Variants in KCNA3 observed in about 807,000 individuals in gnomAD.
The protein encoded by KCNA3 is RP11-284N8.3.
A neutral mutation model predicts 34.3 loss-of-function variants in KCNA3; 18 were observed. That is an observed-to-expected ratio of 0.52 (90% CI 0.36 to 0.78). The LOEUF (loss-of-function observed/expected upper bound fraction) is 0.78. KCNA3 is among the 30% of genes least tolerant of loss of function. The pLI is 0.00. For missense variants in KCNA3, 587 were observed against 802.5 expected (o/e 0.73, Z 3.24); for synonymous variants, 324 against 351.7 (o/e 0.92, Z 0.88).
At chr1:110,672,228 C>T (rs1382378985), downstream of KCNA3, among the ~76,000 whole-genome samples, 2 of 152,196 alleles carry the variant, frequency 1.3e-5, no homozygotes, top group Non-Finnish European at 2.9e-5. Context: ...TTAGTAACTT[C>T]CGCTGGAAGG....
chr1:110,674,204 G>A lies in KCNA3; in HGVS notation c.606C>T (p.Gly202=), dbSNP rs767283790. The A allele has an allele frequency of 1.2e-5, 20 of 1,613,206 alleles. No homozygotes were observed. Among genetic ancestry groups the A allele is most frequent in the South Asian group, 2.2e-5 (2 of 90,964 alleles). Residue 202 remains glycine (G), a synonymous_variant, in exon 1 of 1, where the codon GGC becomes GGT. Coordinates refer to ENST00000369769, the MANE Select transcript of KCNA3 (RefSeq NM_002232.5). The surrounding 1 kb of genome is among the most constrained non-coding windows in gnomAD (Gnocchi z 6.4). The part of the protein sequence containing the change: ...EAMEKFREDE[G]FLREEERPLP... The stretch of plus-strand genomic sequence containing the variant: ...AGGGCCGCTCCTCCTCCCGCAGGAA[G>A]CCCTCGTCCTCGCGGAACTTCTCCA...
At chr1:110,661,801 A>G in the KCNA3 span, among the ~76,000 whole-genome samples, 21 of 152,216 alleles carry the variant, frequency 1.4e-4, no homozygotes, top group African/African-American at 4.8e-4. Context: ...AATAAAAGTG[A>G]TATCAGGATA....
downstream of KCNA3, among the ~76,000 whole-genome samples, chr1:110,669,891 T>C (rs1651822669): frequency 6.6e-6 from 1 of 152,190 alleles, no homozygotes; most frequent in Admixed American, 6.5e-5. Flanking sequence ...TCACAAAACA[T>C]TGTATTAATT....
At position 110,674,554 on chromosome 1, in the gene KCNA3, A is replaced by AGCGGTC. The variant is rs1652012548; in HGVS notation, c.250_255dup (p.Asp84_Arg85dup). 1.3e-6 allele frequency: 2 copies of AGCGGTC among 1,572,022 alleles called. No individual in the cohort carries two copies. The highest frequency in any genetic ancestry group is 1.9e-5 in the Admixed American group (1 of 53,844). On this transcript the variant is annotated inframe_insertion, in exon 1 of 1. Coordinates refer to ENST00000369769, the MANE Select transcript of KCNA3 (RefSeq NM_002232.5). This position sits in a 1 kb window ranked among gnomAD's most constrained non-coding sequence, Gnocchi z 6.4. ...GGCAGTGAGGGCGGCAGCGGCTCGT[A>AGCGGTC]GCGGTCGCAGCCGCCGCCGCCACAG... is the stretch of plus-strand genomic sequence containing the variant.
Position 110,674,125 on chromosome 1 carries a change from T to G in KCNA3, c.685A>C (p.Ser229Arg), listed in dbSNP as rs757021867. 1 of 1,612,008 alleles carries G rather than the reference T, an allele frequency of 6.2e-7. No individual in the cohort carries two copies. Among genetic ancestry groups the G allele is most frequent in the Middle Eastern group, 1.7e-4 (1 of 6,056 alleles). ...QVWLLFEYPE[S>R]SGPARGIAIV... The stretch of plus-strand genomic sequence containing the variant: ...GCGATGCCCCGGGCCGGCCCGGAGC[T>G]CTCGGGGTACTCGAAGAGCAGCCAC... The change falls in exon 1 of 1, where the codon AGC (serine) becomes CGC (arginine). Residue 229 changes from serine to arginine, a missense_variant. Ser to Arg is a moderately radical substitution (Grantham distance 110). This residue lies in a region of KCNA3 where 341 missense variants were observed against 355.4 expected (regional missense o/e 0.96). Coordinates refer to ENST00000369769, the MANE Select transcript of KCNA3 (RefSeq NM_002232.5). This position sits in a 1 kb window ranked among gnomAD's most constrained non-coding sequence, Gnocchi z 6.4.
chr1:110,669,379 A>G (rs1651803249), downstream of KCNA3, among the ~76,000 whole-genome samples: 1 of 152,238 alleles, frequency 6.6e-6, no homozygotes, highest in Admixed American at 6.5e-5. Flanking sequence ...GATTAAATCT[A>G]GATAAACCAA....
Position 110,674,590 on chromosome 1 carries a change from G to A in KCNA3, c.220C>T (p.Pro74Ser), listed in dbSNP as rs775540479. Residue 74 changes from proline (P) to serine (S), a missense_variant, in exon 1 of 1, where the codon CCT becomes TCT. Physicochemically the swap from Pro to Ser is moderately conservative, Grantham distance 74. This residue lies in a region of KCNA3 where 341 missense variants were observed against 355.4 expected (regional missense o/e 0.96). Transcript: ENST00000369769. The surrounding 1 kb of genome is among the most constrained non-coding windows in gnomAD (Gnocchi z 6.4). ...PEVADGGGAPPQGGCGGGGCD... is the reference protein window; with the variant it reads ...PEVADGGGAPSQGGCGGGGCD... ...CCGCCGCCGCCACAGCCGCCTTGAG[G>A]CGGGGCCCCTCCACCATCGGCCACC... The A allele has an allele frequency of 6.4e-7, 1 of 1,569,894 alleles. No homozygotes were observed. The highest frequency in any genetic ancestry group is 1.8e-5 in the Admixed American group (1 of 54,254).
At chr1:110,665,719 T>A in the KCNA3 span, among the ~76,000 whole-genome samples, 4 of 151,894 alleles carry the variant, frequency 2.6e-5, no homozygotes, top group African/African-American at 9.7e-5. Context: ...AACCAGTAAA[T>A]AAGATTAAGA....
At position 110,673,264 on chromosome 1, in the gene KCNA3, G is replaced by C; in HGVS notation, c.1546C>G (p.Arg516Gly). The C allele has an allele frequency of 6.2e-7, 1 of 1,613,846 alleles. No homozygotes were observed. The highest frequency in any genetic ancestry group is 8.5e-7 in the Non-Finnish European group (1 of 1,179,964). Residue 516 changes from arginine (R) to glycine (G), a missense_variant, in exon 1 of 1, where the codon CGA becomes GGA. Physicochemically the swap from Arg to Gly is moderately radical, Grantham distance 125 (BLOSUM62 -2). Transcript: ENST00000369769. The surrounding 1 kb of genome is among the most constrained non-coding windows in gnomAD (Gnocchi z 8.8). ...AGAGTCGAGTTACTCCTTGCTTTTCGGAGCTCCTCGGCTGAAGAGGAGAGG... is the reference window on the plus strand; with the variant it reads ...AGAGTCGAGTTACTCCTTGCTTTTCCGAGCTCCTCGGCTGAAGAGGAGAGG... ...QHLSSSAEEL[R>G]KARSNSTLSK...
At chr1:110,658,089 CAAAG>C in the KCNA3 span, among the ~76,000 whole-genome samples, 1 of 152,140 alleles carries the variant, frequency 6.6e-6, no homozygotes, top group South Asian at 2.1e-4. Context: ...AATTTTGACA[CAAAG>C]AAATTACCAG....
the KCNA3 span, among the ~76,000 whole-genome samples, chr1:110,661,335 T>TACACTCGGTCACCTTGATCTCGCAG: frequency 2.6e-5 from 4 of 152,208 alleles, no homozygotes; most frequent in Non-Finnish European, 5.9e-5. Context: ...GCCTGGATTA[T>TACACTCGGTCACCTTGATCTCGCAG]ACACTCGGTC....
In KCNA3 at chr1:110,674,027, G is replaced by T; in HGVS notation, c.783C>A (p.Asp261Glu). The T allele has an allele frequency of 3.1e-6, 5 of 1,609,322 alleles. No homozygotes were observed. The highest frequency in any genetic ancestry group is 4.2e-6 in the Non-Finnish European group (5 of 1,177,062). ...ACGTCGAGGCGGGGTAGTCCTTCTCGTCGCGGAACTCCGGCAGCGTCTCCA... is the reference window on the plus strand; with the variant it reads ...ACGTCGAGGCGGGGTAGTCCTTCTCTTCGCGGAACTCCGGCAGCGTCTCCA... ...FCLETLPEFR[D>E]EKDYPASTSQ... is the part of the protein sequence containing the mutation. Residue 261 changes from aspartate (D) to glutamate (E), a missense_variant, in exon 1 of 1, where the codon GAC becomes GAA. Asp to Glu is a conservative substitution (Grantham distance 45, BLOSUM62 2). Around this residue, in one of 7 missense-constraint regions of KCNA3, gnomAD observed 50 missense variants for 45.3 expected, o/e 1.10. Coordinates refer to ENST00000369769, the MANE Select transcript of KCNA3 (RefSeq NM_002232.5). The surrounding 1 kb of genome is among the most constrained non-coding windows in gnomAD (Gnocchi z 6.4).
chr1:110,673,242 G>T lies in KCNA3; in HGVS notation c.1568C>A (p.Thr523Asn). Residue 523 changes from threonine to asparagine, a missense_variant, in exon 1 of 1, where the codon ACT becomes AAT. Around this residue, in one of 7 missense-constraint regions of KCNA3, gnomAD observed 95 missense variants for 107.3 expected, o/e 0.89. Transcript: ENST00000369769. This position sits in a 1 kb window ranked among gnomAD's most constrained non-coding sequence, Gnocchi z 8.8. ...CACCATATACTCCGACTTACTCAGA[G>T]TCGAGTTACTCCTTGCTTTTCGGAG... ...EELRKARSNS[T>N]LSKSEYMVIE... 1 of 1,614,090 alleles carries T rather than the reference G, an allele frequency of 6.2e-7. No individual in the cohort carries two copies. The highest frequency in any genetic ancestry group is 8.5e-7 in the Non-Finnish European group (1 of 1,180,022).
chr1:110,668,778 T>G (rs1449096319), downstream of KCNA3, among the ~76,000 whole-genome samples: 2 of 152,222 alleles, frequency 1.3e-5, no homozygotes, highest in Non-Finnish European at 2.9e-5. Context: ...GGGTGTGCAC[T>G]GATCCAGTCA....
the KCNA3 span, among the ~76,000 whole-genome samples, chr1:110,662,141 G>T: frequency 4.1e-5 from 5 of 122,598 alleles, no homozygotes; most frequent in Admixed American, 8.5e-5. Flanking sequence ...AAAAAATTCA[G>T]AATGTCTATA....
the KCNA3 span, among the ~76,000 whole-genome samples, chr1:110,665,952 G>A: frequency 6.6e-6 from 1 of 152,190 alleles, no homozygotes; most frequent in Non-Finnish European, 1.5e-5. Flanking sequence ...GAGCCTTTTG[G>A]AGCAGACTCA....
chr1:110,663,336 T>C, the KCNA3 span, among the ~76,000 whole-genome samples: 18 of 152,224 alleles, frequency 1.2e-4, no homozygotes, highest in South Asian at 2.1e-4. Flanking sequence ...TTATCCCATG[T>C]GAGCTTAACT....
the KCNA3 span, among the ~76,000 whole-genome samples, chr1:110,665,929 G>T: frequency 1.3e-5 from 2 of 152,204 alleles, no homozygotes; most frequent in Non-Finnish European, 2.9e-5. Flanking sequence ...TTGGTGGAAT[G>T]ATAGCGGGGT....
At chr1:110,665,491 G>A in the KCNA3 span, among the ~76,000 whole-genome samples, 1 of 152,146 alleles carries the variant, frequency 6.6e-6, no homozygotes, top group Non-Finnish European at 1.5e-5. Context: ...GGAAGTACAG[G>A]CTTGATGGGC....
Sources: allele counts gnomAD v4.1 joint callset (sites outside exome capture counted in the v4.1 genomes callset), GRCh38; gene constraint gnomAD v4.1.1; regional missense constraint gnomAD v4.1.1; non-coding constraint Gnocchi (gnomAD v3.1); transcripts MANE v1.5; gene names NCBI Gene and HGNC (gene_info 2026-07-23, HGNC 2026-07-21).